Variants in ARMH3 observed in about 807,000 individuals in gnomAD.
ARMH3 encodes the protein armadillo-like helical domain-containing protein 3.
A neutral mutation model predicts 99.1 loss-of-function variants in ARMH3; 60 were observed. The ratio of observed to expected loss-of-function variants is 0.61; its 90% CI spans 0.49 to 0.75. ARMH3 has a LOEUF of 0.75. ARMH3 is among the 30% of genes least tolerant of loss of function. The pLI, the probability that ARMH3 is intolerant of heterozygous loss-of-function variation, is 0.00. For missense variants in ARMH3, 679 were observed against 843.1 expected (o/e 0.81, Z 2.41); for synonymous variants, 285 against 292.8 (o/e 0.97, Z 0.27).
At chr10:102,040,377 T>C (rs942094440) in intron 1 of ARMH3, among the ~76,000 whole-genome samples, 4 of 152,236 alleles carry the variant, frequency 2.6e-5, no homozygotes, top group Admixed American at 1.3e-4. Flanking sequence ...ACGTATGGGC[T>C]ATCTCTGCCC....
At position 101,847,567 on chromosome 10, in the gene ARMH3, G is replaced by A. The variant is rs2066490243; in HGVS notation, c.2031C>T (p.Ser677=). ...VRRNLAFHTL[S]QEVLLKEFST... ...AGAACTCCTTGAGCAGGACTTCTTG[G>A]CTGAGTGTGTGGAAGGCCAGGTTTC... Residue 677 remains serine (S), a synonymous_variant, in exon 26 of 26, where the codon AGC becomes AGT. Transcript: ENST00000370033. The A allele has an allele frequency of 6.2e-7, 1 of 1,614,178 alleles. No individual in the cohort carries two copies. The highest frequency in any genetic ancestry group is 8.5e-7 in the Non-Finnish European group (1 of 1,180,018).
In ARMH3 at chr10:101,957,713, C is replaced by G. The variant is rs1442066312; in HGVS notation, c.1515G>C (p.Lys505Asn). 6.3e-7 allele frequency: 1 copy of G among 1,578,802 alleles called. No individual in the cohort carries two copies. The highest frequency in any genetic ancestry group is 8.6e-7 in the Non-Finnish European group (1 of 1,168,850). ...ELWSALINLL[K>N]FLMSNETVLL... ...GTACAGTCTCATTTGACATAAGGAA[C>G]TTCAGCAAATTTATCAAGGCTTTAA... Residue 505 changes from lysine (K) to asparagine (N), a missense_variant, in exon 21 of 26, where the codon AAG becomes AAC. Around this residue, in one of 3 missense-constraint regions of ARMH3, gnomAD observed 389 missense variants for 456.5 expected, o/e 0.85. Coordinates refer to ENST00000370033, the MANE Select transcript of ARMH3 (RefSeq NM_024541.3).
intron 24 of ARMH3, among the ~76,000 whole-genome samples, chr10:101,870,562 G>A (rs889252625): frequency 6.6e-6 from 1 of 152,130 alleles, no homozygotes; most frequent in African/African-American, 2.4e-5. Flanking sequence ...TTTACTATAT[G>A]TTTGAAATTT....
intron 1 of ARMH3, among the ~76,000 whole-genome samples, chr10:102,048,667 C>T (rs1276995921): frequency 6.6e-6 from 1 of 152,054 alleles, no homozygotes; most frequent in African/African-American, 2.4e-5. Flanking sequence ...TTAAGTTATC[C>T]GCCTGCCTCA....
At chr10:102,049,027 T>C (rs1486909555) in intron 1 of ARMH3, among the ~76,000 whole-genome samples, 1 of 152,012 alleles carries the variant, frequency 6.6e-6, no homozygotes, top group Non-Finnish European at 1.5e-5. Context: ...GTGAAGAATG[T>C]GGGCATCATT....
intron 11 of ARMH3, 51 bp downstream of exon 11, chr10:102,011,672 G>GACC (rs2066631085): frequency 6.7e-7 from 1 of 1,502,872 alleles, no homozygotes; most frequent in Non-Finnish European, 9.1e-7. Flanking sequence ...CACCCCTGCA[G>GACC]ACCACACTGT....
intron 23 of ARMH3, among the ~76,000 whole-genome samples, chr10:101,922,223 A>T (rs1843334274): frequency 1.3e-5 from 2 of 152,162 alleles, no homozygotes. Context: ...ATTGAGTTTC[A>T]GTGAGTTGGT....
chr10:101,974,739 A>G (rs1845913828), intron 20 of ARMH3, among the ~76,000 whole-genome samples: 1 of 152,120 alleles, frequency 6.6e-6, no homozygotes, highest in South Asian at 2.1e-4. Context: ...GATGTAACAC[A>G]AAGAACAGGA....
intron 24 of ARMH3, among the ~76,000 whole-genome samples, chr10:101,887,308 C>T (rs2067571290): frequency 6.6e-6 from 1 of 152,076 alleles, no homozygotes; most frequent in Admixed American, 6.5e-5. Flanking sequence ...CACAAAGACT[C>T]CATGAGAGCA....
At chr10:102,006,170 T>C (rs150284894) in intron 14 of ARMH3, among the ~76,000 whole-genome samples, 20 of 152,360 alleles carry the variant, frequency 1.3e-4, no homozygotes, top group African/African-American at 4.1e-4. Flanking sequence ...CTATTTTACA[T>C]TCATTTCAGT....
intron 20 of ARMH3, 150 bp downstream of exon 20, chr10:101,975,062 A>AAAAAAAAAAAAAAAAAAAAAAAAAAC: frequency 2.5e-6 from 1 of 405,050 alleles, no homozygotes. Context: ...AAAAAAAAAA[A>AAAAAAAAAAAAAAAAAAAAAAAAAAC]AAAAAAAAAA....
chr10:101,865,108 C>T (rs536930928), intron 24 of ARMH3, among the ~76,000 whole-genome samples: 16 of 151,132 alleles, frequency 1.1e-4, no homozygotes, highest in East Asian at 5.8e-4. Flanking sequence ...CCCAGCTACT[C>T]GAGAGACTGA....
chr10:101,909,236 G>A (rs1233103388), intron 23 of ARMH3, among the ~76,000 whole-genome samples: 3 of 151,538 alleles, frequency 2.0e-5, no homozygotes, highest in East Asian at 2.0e-4. Context: ...GCAAAACTCC[G>A]TCTCTACTAA....
chr10:101,905,556 A>G (rs2068082522), intron 23 of ARMH3, among the ~76,000 whole-genome samples: 1 of 152,224 alleles, frequency 6.6e-6, no homozygotes, highest in Non-Finnish European at 1.5e-5. Context: ...TGGTAGGTGA[A>G]AAGTGAAGAG....
chr10:101,918,650 C>T (rs1205296081), intron 23 of ARMH3, among the ~76,000 whole-genome samples: 1 of 152,136 alleles, frequency 6.6e-6, no homozygotes, highest in Non-Finnish European at 1.5e-5. Context: ...TGATTAATCA[C>T]CATGAAGAGC....
chr10:102,003,411 C>G (rs1488179633), intron 14 of ARMH3, among the ~76,000 whole-genome samples: 1 of 152,214 alleles, frequency 6.6e-6, no homozygotes, highest in Non-Finnish European at 1.5e-5. Flanking sequence ...ATCCACCCAC[C>G]TCGGGCCTCC....
At chr10:101,958,653 A>C (rs1460853564) in intron 20 of ARMH3, among the ~76,000 whole-genome samples, 5 of 151,668 alleles carry the variant, frequency 3.3e-5, no homozygotes, top group Non-Finnish European at 7.4e-5. Context: ...CTCCCCCACA[A>C]ACCCCCACCT....
chr10:101,852,168 G>C (rs905658009), intron 24 of ARMH3, among the ~76,000 whole-genome samples: 1 of 152,208 alleles, frequency 6.6e-6, no homozygotes. Flanking sequence ...GCGGTGTCAA[G>C]TGCCAAAGGA....
At chr10:102,024,763 G>A (rs1161737369) in intron 6 of ARMH3, among the ~76,000 whole-genome samples, 1 of 151,248 alleles carries the variant, frequency 6.6e-6, no homozygotes, top group African/African-American at 2.4e-5. Flanking sequence ...ACGTTGAAGT[G>A]AGCCGAGATC....
Sources: gnomAD v4.1 joint callset for allele counts (sites outside exome capture counted in the v4.1 genomes callset) on GRCh38, gnomAD v4.1.1 for gene constraint, gnomAD v4.1.1 regional missense constraint, MANE v1.5 for transcripts, NCBI Gene and HGNC (gene_info 2026-07-23, HGNC 2026-07-21) for gene names.